MMP26: variants seen among roughly 807,000 people sequenced by gnomAD.
MMP26 encodes the protein matrix metalloproteinase-26.
Under a neutral mutation model 31.0 loss-of-function variants are expected in MMP26, and 33 were observed. The ratio of observed to expected loss-of-function variants is 1.06; its 90% confidence interval spans 0.81 to 1.42. MMP26 has a LOEUF of 1.42. Ranked by LOEUF, MMP26 falls within the 40% of genes most tolerant of loss-of-function variation. The pLI is 0.00. For missense variants in MMP26, 347 were observed against 316.1 expected (o/e 1.10, Z -0.74); for synonymous variants, 122 against 114.9 (o/e 1.06, Z -0.40).
intron 1 of MMP26, among the ~76,000 whole-genome samples, chr11:4,748,899 A>G (rs1589890098): frequency 1.3e-5 from 2 of 152,222 alleles, no homozygotes; most frequent in East Asian, 1.9e-4. Context: ...AAGGATGCCT[A>G]CTTTCACCAC....
At chr11:4,991,938 T>C in intron 6 of MMP26, 26 bp from the exon 7 acceptor site, 1 of 1,543,398 alleles carries the variant, frequency 6.5e-7, no homozygotes, top group Non-Finnish European at 8.7e-7. Flanking sequence ...GTTAATTTTA[T>C]CTTTTTTTTT....
At chr11:4,709,627 C>A in intron 1 of MMP26, 1 of 457,094 alleles carries the variant, frequency 2.2e-6, no homozygotes, top group Non-Finnish European at 4.4e-6. Context: ...ACTGGCATCC[C>A]TGGCCTTGAA....
chr11:4,758,056 T>C (rs568905501), intron 1 of MMP26, among the ~76,000 whole-genome samples: 2 of 152,294 alleles, frequency 1.3e-5, no homozygotes, highest in African/African-American at 4.8e-5. Context: ...TGTATACAAG[T>C]GTTCATAACA....
At chr11:4,991,887 C>T (rs1589826624) in intron 6 of MMP26, 77 bp from the exon 7 acceptor site, 1 of 1,310,882 alleles carries the variant, frequency 7.6e-7, no homozygotes, top group Non-Finnish European at 1.0e-6. Flanking sequence ...TCTCCTTTTT[C>T]TTTGTCCTAT....
chr11:4,858,754 C>G (rs1039731050), intron 2 of MMP26, among the ~76,000 whole-genome samples: 1 of 152,090 alleles, frequency 6.6e-6, no homozygotes. Flanking sequence ...AAAAAGAGCC[C>G]GCATTGCCAA....
chr11:4,739,186 C>T (rs976960822), intron 1 of MMP26, among the ~76,000 whole-genome samples: 1 of 152,126 alleles, frequency 6.6e-6, no homozygotes, highest in Admixed American at 6.5e-5. Flanking sequence ...AATATTGTTG[C>T]AATTATTGCC....
intron 1 of MMP26, among the ~76,000 whole-genome samples, chr11:4,748,626 A>G (rs1393315769): frequency 6.6e-6 from 1 of 151,886 alleles, no homozygotes; most frequent in African/African-American, 2.4e-5. Context: ...CCACAGATTC[A>G]AGGATGTCGC....
chr11:4,715,141 T>G (rs1847911155), intron 1 of MMP26, among the ~76,000 whole-genome samples: 1 of 152,136 alleles, frequency 6.6e-6, no homozygotes, highest in Non-Finnish European at 1.5e-5. Context: ...ATGTATATAT[T>G]GTATGCCCAT....
At chr11:4,882,950 C>T (rs1426742960) in intron 2 of MMP26, 1 of 1,308,798 alleles carries the variant, frequency 7.6e-7, no homozygotes, top group African/African-American at 1.5e-5. Flanking sequence ...GTCTTATCCA[C>T]AGGTGTTTTG....
chr11:4,794,742 C>T lies in MMP26; in HGVS notation c.-145+27401C>T, dbSNP rs115103854. Among the ~76,000 whole-genome samples the T allele has an allele frequency of 4.9e-3, 750 of 152,248 alleles. 3 individuals carry two copies. Among genetic ancestry groups the T allele is most frequent in the African/African-American group, 0.016 (685 of 41,560 alleles). The stretch of plus-strand genomic sequence containing the variant: ...TCGGGTGAGGGTAACCAAGCAGTCC[C>T]GACAAGCAGGTGCTGGCTATTAAAG... On this transcript the variant is annotated intron_variant, in intron 2 of 7. Coordinates refer to ENST00000380390, the MANE Select transcript of MMP26 (RefSeq NM_021801.5).
At chr11:4,963,578 C>T (rs1031503661) in intron 2 of MMP26, among the ~76,000 whole-genome samples, 1 of 152,110 alleles carries the variant, frequency 6.6e-6, no homozygotes, top group Non-Finnish European at 1.5e-5. Flanking sequence ...GAAATAATGC[C>T]AAACATCTAC....
intron 1 of MMP26, among the ~76,000 whole-genome samples, chr11:4,766,645 T>C (rs534205197): frequency 1.4e-4 from 21 of 151,228 alleles, no homozygotes; most frequent in African/African-American, 4.1e-4. Context: ...AAATGGGCTG[T>C]TTGGAAACTT....
chr11:4,817,655 A>T (rs1383791500), intron 2 of MMP26, among the ~76,000 whole-genome samples: 1 of 152,236 alleles, frequency 6.6e-6, no homozygotes, highest in Non-Finnish European at 1.5e-5. Context: ...TGGAAAAAAT[A>T]ACATTTATAT....
rs149133751 is a variant in MMP26 at position 4,966,223 on chromosome 11, C to T, written c.-144-21845C>T. Among the ~76,000 whole-genome samples the T allele has an allele frequency of 5.0e-3, 754 of 152,190 alleles. 5 individuals are homozygous for T. Among genetic ancestry groups the T allele is most frequent in the Middle Eastern group, 0.01 (3 of 294 alleles). On this transcript the variant is annotated intron_variant, in intron 2 of 7. Coordinates refer to ENST00000380390, the MANE Select transcript of MMP26 (RefSeq NM_021801.5). ...GAAAAGAGATTAGACTCAACAAATACAGAAGGAAAAGGAGGACTTTATAGC... is the reference window on the plus strand; with the variant it reads ...GAAAAGAGATTAGACTCAACAAATATAGAAGGAAAAGGAGGACTTTATAGC...
chr11:4,884,776 C>T (rs1339120950), intron 2 of MMP26, among the ~76,000 whole-genome samples: 2 of 151,878 alleles, frequency 1.3e-5, no homozygotes, highest in Non-Finnish European at 2.9e-5. Context: ...TTTTTTCTTT[C>T]TTAAGTTTGG....
chr11:4,990,892 A>G, intron 5 of MMP26, 146 bp downstream of exon 5: 1 of 746,526 alleles, frequency 1.3e-6, no homozygotes, highest in South Asian at 2.5e-5. Flanking sequence ...CAAATCCTGT[A>G]ATAGGGAAGA....
At chr11:4,875,116 T>G (rs1850362175) in intron 2 of MMP26, 1 of 152,150 alleles carries the variant, frequency 6.6e-6, no homozygotes, top group Non-Finnish European at 1.5e-5. Context: ...GAGCCATATA[T>G]TAGTTGTAAA....
In MMP26 at chr11:4,723,569, T is replaced by A. The variant is rs553071399; in HGVS notation, c.-217+18524T>A. 2.0e-5 allele frequency: 23 copies of A among 1,140,420 alleles called. No homozygotes were observed. In the East Asian group the frequency reaches 5.1e-4, roughly 26 times the overall value. The allele number at this position is 1,140,420 out of a possible 1,614,324, so 70.6% of individuals were successfully genotyped here. A position where few individuals can be genotyped will look rare whatever the true frequency, so the allele number is the denominator to read the frequency against. Reference sequence around the variant, plus strand: ...AGGAGAGACTCCAGCTCTACCTTGTTCATGTTAGCTTCATCCACATCCTTC... The same window carrying A: ...AGGAGAGACTCCAGCTCTACCTTGTACATGTTAGCTTCATCCACATCCTTC... On this transcript the variant is annotated intron_variant, in intron 1 of 7. Transcript: ENST00000380390.
At chr11:4,887,667 A>G (rs1019997356) in intron 2 of MMP26, among the ~76,000 whole-genome samples, 1 of 152,138 alleles carries the variant, frequency 6.6e-6, no homozygotes, top group African/African-American at 2.4e-5. Context: ...GAGTTGTTAA[A>G]GACATTTTTG....
Sources: allele counts gnomAD v4.1 joint callset (sites outside exome capture counted in the v4.1 genomes callset), GRCh38; gene constraint gnomAD v4.1.1; transcripts MANE v1.5; gene names NCBI Gene and HGNC (gene_info 2026-07-23, HGNC 2026-07-21).